Variants in KCNH7 observed in about 807,000 individuals in gnomAD.
The protein encoded by KCNH7 is potassium voltage-gated channel subfamily H member 7.
Under a neutral mutation model 120.8 loss-of-function variants are expected in KCNH7, and 49 were observed. That is an observed-to-expected ratio of 0.41 (90% CI 0.32 to 0.51). KCNH7 has a LOEUF of 0.51. Among genes scored for constraint, KCNH7 ranks in the 20% least tolerant of loss-of-function variants. The pLI is 0.38. For synonymous variants in KCNH7, 547 were observed against 516.1 expected (o/e 1.06, Z -0.81); for missense variants, 1,097 against 1,446.6 (o/e 0.76, Z 3.92).
intron 6 of KCNH7, among the ~76,000 whole-genome samples, chr2:162,495,859 A>C (rs1290011017): frequency 6.6e-6 from 1 of 152,050 alleles, no homozygotes; most frequent in Non-Finnish European, 1.5e-5. Context: ...TTTGTTTGGG[A>C]AAATAAGACC....
chr2:162,804,350 T>C (rs1461586852), intron 2 of KCNH7, among the ~76,000 whole-genome samples: 2 of 151,866 alleles, frequency 1.3e-5, no homozygotes, highest in African/African-American at 2.4e-5. Context: ...AAAAGACTTC[T>C]AGATTTGATA....
intron 5 of KCNH7, among the ~76,000 whole-genome samples, chr2:162,510,569 T>A (rs1415403083): frequency 6.6e-6 from 1 of 151,644 alleles, no homozygotes; most frequent in Non-Finnish European, 1.5e-5. Flanking sequence ...TTGAAGACAT[T>A]ACCAACACAT....
chr2:162,652,269 A>G (rs1684591141), intron 2 of KCNH7, among the ~76,000 whole-genome samples: 1 of 152,168 alleles, frequency 6.6e-6, no homozygotes, highest in Non-Finnish European at 1.5e-5. Context: ...GAAGCCTTTA[A>G]CTTACCTTCC....
At chr2:162,423,900 A>G (rs1358336751) in intron 8 of KCNH7, among the ~76,000 whole-genome samples, 3 of 152,206 alleles carry the variant, frequency 2.0e-5, no homozygotes, top group Admixed American at 1.3e-4. Flanking sequence ...TGAAAAAAAT[A>G]TGAGGCAAAA....
At chr2:162,451,979 G>A (rs1688789396) in intron 6 of KCNH7, among the ~76,000 whole-genome samples, 1 of 152,032 alleles carries the variant, frequency 6.6e-6, no homozygotes, top group South Asian at 2.1e-4. Flanking sequence ...ATCAGTTAGG[G>A]TTATCTTGGA....
intron 3 of KCNH7, chr2:162,528,390 A>G (rs552685960): frequency 3.9e-5 from 6 of 152,012 alleles, no homozygotes; most frequent in Admixed American, 3.9e-4. Flanking sequence ...GGTAGTAGAG[A>G]AAGGTATGAG....
At position 162,670,120 on chromosome 2, in the gene KCNH7, A is replaced by C. The variant is rs118055007; in HGVS notation, c.308-133040T>G. ...CGGTCTCAAACAAACAAACAAAAGAAGAAAATTGACTCCCAAAAGAATGTT... is the reference window on the plus strand; with the variant it reads ...CGGTCTCAAACAAACAAACAAAAGACGAAAATTGACTCCCAAAAGAATGTT... On this transcript the variant is annotated intron_variant, in intron 2 of 15. Coordinates refer to ENST00000332142, the MANE Select transcript of KCNH7 (RefSeq NM_033272.4). 1.9e-3 allele frequency among the ~76,000 whole-genome samples: 291 copies of C among 151,866 alleles called. 3 individuals carry two copies. The East Asian group carries it at 0.048, about 25-fold the overall frequency.
Position 162,415,192 on chromosome 2 carries a change from A to G in KCNH7, c.2154+8144T>C, listed in dbSNP as rs983817166. Among the ~76,000 whole-genome samples the G allele has an allele frequency of 2.0e-5, 3 of 152,016 alleles. 1 individual carries two copies. The highest frequency in any genetic ancestry group is 1.9e-4 in the East Asian group (1 of 5,176). The stretch of plus-strand genomic sequence containing the variant: ...CAAAAAAACAGCAAAACAAAACCAA[A>G]AAACCTTTGAGCCTCTCCTTTGTTC... On this transcript the variant is annotated intron_variant, in intron 9 of 15. Transcript: ENST00000332142.
At chr2:162,416,006 T>C (rs1423292365) in intron 9 of KCNH7, among the ~76,000 whole-genome samples, 1 of 152,130 alleles carries the variant, frequency 6.6e-6, no homozygotes, top group Non-Finnish European at 1.5e-5. Flanking sequence ...GGCATTATAC[T>C]CTCCTTTGTT....
Position 162,598,864 on chromosome 2 carries a change from T to C in KCNH7, c.308-61784A>G, listed in dbSNP as rs192582212. Among the ~76,000 whole-genome samples the C allele has an allele frequency of 2.0e-3, 302 of 152,278 alleles. 1 individual carries two copies. The highest frequency in any genetic ancestry group is 2.9e-3 in the Non-Finnish European group (197 of 68,008). On this transcript the variant is annotated intron_variant, in intron 2 of 15. Transcript: ENST00000332142. ...GGTGTTCTATATGAACTAATAATAT[T>C]AAAGATTCTAGATTTTATGAGTTTT...
At chr2:162,388,202 A>C (rs1223380370) in intron 12 of KCNH7, among the ~76,000 whole-genome samples, 1 of 151,864 alleles carries the variant, frequency 6.6e-6, no homozygotes, top group Non-Finnish European at 1.5e-5. Context: ...AAAAATTAAA[A>C]TAAAGAAAAG....
At chr2:162,611,699 T>A (rs1682971304) in intron 2 of KCNH7, among the ~76,000 whole-genome samples, 1 of 152,214 alleles carries the variant, frequency 6.6e-6, no homozygotes, top group Non-Finnish European at 1.5e-5. Context: ...TATTTGAGCA[T>A]GTTGTGAGTT....
chr2:162,449,361 C>T (rs889158980), intron 6 of KCNH7, among the ~76,000 whole-genome samples: 4 of 151,908 alleles, frequency 2.6e-5, no homozygotes, highest in African/African-American at 9.7e-5. Flanking sequence ...AAAATAAAAA[C>T]AGATTAGAAC....
At chr2:162,452,217 G>A (rs1688798602) in intron 6 of KCNH7, among the ~76,000 whole-genome samples, 1 of 151,948 alleles carries the variant, frequency 6.6e-6, no homozygotes, top group African/African-American at 2.4e-5. Context: ...TATTGAAACT[G>A]AATGATGGAT....
intron 2 of KCNH7, among the ~76,000 whole-genome samples, chr2:162,800,828 G>A (rs1238371800): frequency 6.6e-6 from 1 of 151,834 alleles, no homozygotes; most frequent in African/African-American, 2.4e-5. Context: ...CCCACCTTTA[G>A]AGCACTAAAA....
chr2:162,825,199 G>A (rs1272875692), intron 2 of KCNH7, among the ~76,000 whole-genome samples: 1 of 152,000 alleles, frequency 6.6e-6, no homozygotes, highest in Non-Finnish European at 1.5e-5. Context: ...AAATACTGAA[G>A]CTGGTGTGAA....
chr2:162,440,667 A>G (rs1688389818), intron 7 of KCNH7, among the ~76,000 whole-genome samples: 1 of 152,070 alleles, frequency 6.6e-6, no homozygotes, highest in Non-Finnish European at 1.5e-5. Context: ...GACCTCACAA[A>G]TACTTCTAAA....
At chr2:162,494,834 T>C (rs973727569) in intron 6 of KCNH7, among the ~76,000 whole-genome samples, 3 of 152,158 alleles carry the variant, frequency 2.0e-5, no homozygotes, top group African/African-American at 7.2e-5. Context: ...CATAAAGAGC[T>C]GAAATGCTCA....
At chr2:162,512,190 A>T (rs1691101922) in intron 5 of KCNH7, among the ~76,000 whole-genome samples, 1 of 151,822 alleles carries the variant, frequency 6.6e-6, no homozygotes. Context: ...CAGTAAGCTG[A>T]AAACCATACC....
Sources: allele counts gnomAD v4.1 joint callset (sites outside exome capture counted in the v4.1 genomes callset), GRCh38; gene constraint gnomAD v4.1.1; transcripts MANE v1.5; gene names NCBI Gene and HGNC (gene_info 2026-07-23, HGNC 2026-07-21).